EDA: variants seen among roughly 807,000 people sequenced by gnomAD.
EDA encodes ectodysplasin A, also known as ectodysplasin-A.
Under a neutral mutation model 23.6 loss-of-function variants are expected in EDA, and 2 were observed. The ratio of observed to expected loss-of-function variants is 0.08; its 90% CI spans 0.03 to 0.27. The LOEUF is 0.27. Among genes scored for constraint, EDA ranks in the 10% least tolerant of loss-of-function variants. The probability of loss-of-function intolerance (pLI) is 1.00; values close to 1 mark genes in which losing one functional copy is unlikely to be tolerated. For synonymous variants in EDA, 131 were observed against 132.0 expected (o/e 0.99, Z 0.05); for missense variants, 229 against 324.2 (o/e 0.71, Z 2.26).
chrX:69,637,856 T>G (rs768207421), intron 1 of EDA, among the ~76,000 whole-genome samples: 17 of 110,835 alleles, frequency 1.5e-4, no homozygotes, highest in African/African-American at 5.6e-4. Context: ...TGTGCTGTAC[T>G]AAAGAGACAA....
chrX:69,937,676 C>T (rs2018694740), intron 1 of EDA: 2 of 1,113,102 alleles, frequency 1.8e-6, no homozygotes, highest in Non-Finnish European at 2.5e-6. Context: ...TTGTTAGTAG[C>T]TCTATAGAGT....
chrX:69,959,918 G>A (rs1374329341), intron 2 of EDA, among the ~76,000 whole-genome samples: 1 of 111,886 alleles, frequency 8.9e-6, no homozygotes, highest in Non-Finnish European at 1.9e-5. Context: ...TGTTTGGTAT[G>A]TTCCAGAAAG....
Position 70,010,886 on chromosome X carries a change from G to A in EDA, c.503-12332G>A, listed in dbSNP as rs778080567. 4.0e-3 allele frequency among the ~76,000 whole-genome samples: 441 copies of A among 111,400 alleles called. 2 individuals carry two copies. The highest frequency in any genetic ancestry group is 0.014 in the African/African-American group (425 of 30,667). ...TTATTCACTACCACGAGAACAGTGT[G>A]GAGGAAACTGCCTCCATGACTCAGT... is the stretch of plus-strand genomic sequence containing the variant. On this transcript the variant is annotated intron_variant, in intron 2 of 7. Coordinates refer to ENST00000374552, the MANE Select transcript of EDA (RefSeq NM_001399.5).
chrX:69,892,261 C>T (rs1464015489), intron 1 of EDA, among the ~76,000 whole-genome samples: 1 of 111,810 alleles, frequency 8.9e-6, no homozygotes, highest in African/African-American at 3.2e-5. Context: ...AATGTCTTTG[C>T]TCTATGTAAA....
chrX:70,036,522 T>C lies in EDA; in HGVS notation c.*913T>C, dbSNP rs1173685490. 1 of 112,724 alleles carries C rather than the reference T, an allele frequency of 8.9e-6. No homozygotes were observed. Among genetic ancestry groups the C allele is most frequent in the African/African-American group, 3.2e-5 (1 of 30,918 alleles). 9.3% of individuals were successfully genotyped at this position (112,724 alleles called of 1,213,427 possible). On this transcript the variant is annotated 3_prime_UTR_variant, in exon 8 of 8. Coordinates refer to ENST00000374552, the MANE Select transcript of EDA (RefSeq NM_001399.5). The stretch of plus-strand genomic sequence containing the variant: ...ATGTGAGTCTGGGATATTCTTTAGC[T>C]TACCTGGGCACAAACAGAATTTTCC...
chrX:69,732,799 G>A (rs759933736), intron 1 of EDA, among the ~76,000 whole-genome samples: 1 of 112,115 alleles, frequency 8.9e-6, no homozygotes, highest in East Asian at 2.8e-4. Flanking sequence ...ATTCTAACTA[G>A]TGTGAGATGG....
At chrX:69,617,721 G>C in intron 1 of EDA, 2 of 352,624 alleles carry the variant, frequency 5.7e-6, no homozygotes, top group Non-Finnish European at 1.1e-5. Flanking sequence ...TAATAAAATT[G>C]TACCTCTTAG....
chrX:69,875,983 A>G (rs1186259029), intron 1 of EDA, among the ~76,000 whole-genome samples: 1 of 112,100 alleles, frequency 8.9e-6, no homozygotes, highest in Non-Finnish European at 1.9e-5. Context: ...AAATCAAAAA[A>G]TAAGAGATAT....
intron 1 of EDA, among the ~76,000 whole-genome samples, chrX:69,669,847 C>G (rs1246647698): frequency 9.0e-6 from 1 of 110,821 alleles, no homozygotes; most frequent in Admixed American, 9.7e-5. Context: ...CTAATTGTTC[C>G]CAGTTTCTAT....
intron 1 of EDA, among the ~76,000 whole-genome samples, chrX:69,754,668 G>T (rs1036397943): frequency 2.7e-5 from 3 of 111,674 alleles, no homozygotes; most frequent in African/African-American, 9.8e-5. Flanking sequence ...TTCCAAGTTG[G>T]TTCCATTCTC....
chrX:69,786,073 A>G (rs1376354506), intron 1 of EDA, among the ~76,000 whole-genome samples: 10 of 108,132 alleles, frequency 9.2e-5, no homozygotes, highest in Non-Finnish European at 1.9e-4. Flanking sequence ...TTTCTAGTTT[A>G]TTTGCGTAGA....
At chrX:69,809,609 C>T (rs1281793115) in intron 1 of EDA, among the ~76,000 whole-genome samples, 1 of 111,252 alleles carries the variant, frequency 9.0e-6, no homozygotes, top group Non-Finnish European at 1.9e-5. Context: ...ACCTGTTTGT[C>T]CTCTATTTTA....
intron 1 of EDA, among the ~76,000 whole-genome samples, chrX:69,889,505 T>G (rs1295306893): frequency 9.0e-6 from 1 of 111,389 alleles, no homozygotes; most frequent in Admixed American, 9.5e-5. Flanking sequence ...GGTGTCTCAT[T>G]GTAGATTTGA....
At chrX:69,624,845 T>C (rs1015152912) in intron 1 of EDA, among the ~76,000 whole-genome samples, 2 of 108,295 alleles carry the variant, frequency 1.8e-5, no homozygotes, top group Admixed American at 2.0e-4. Flanking sequence ...TATCAGCCAA[T>C]GACCTTAGGA....
intron 1 of EDA, among the ~76,000 whole-genome samples, chrX:69,781,604 T>C (rs1369704551): frequency 8.9e-6 from 1 of 111,782 alleles, no homozygotes; most frequent in African/African-American, 3.2e-5. Context: ...AAGTTGAAGT[T>C]AGTCATGTTA....
intron 1 of EDA, among the ~76,000 whole-genome samples, chrX:69,652,231 A>G (rs1374771556): frequency 9.0e-6 from 1 of 111,006 alleles, no homozygotes; most frequent in Non-Finnish European, 1.9e-5. Context: ...AGGGTCAAGG[A>G]CTTGCCAGGC....
chrX:69,706,054 T>G (rs752924427), intron 1 of EDA, among the ~76,000 whole-genome samples: 1 of 112,366 alleles, frequency 8.9e-6, no homozygotes, highest in Admixed American at 9.4e-5. Flanking sequence ...CCTGCCTTTC[T>G]TCCGGTGCAG....
At chrX:70,012,296 T>C (rs2019887560) in intron 2 of EDA, among the ~76,000 whole-genome samples, 1 of 112,216 alleles carries the variant, frequency 8.9e-6, no homozygotes, top group Non-Finnish European at 1.9e-5. Flanking sequence ...AGAAAACAAA[T>C]AGATGTATCT....
intron 1 of EDA, among the ~76,000 whole-genome samples, chrX:69,788,836 A>G (rs1288815761): frequency 8.9e-6 from 1 of 112,981 alleles, no homozygotes; most frequent in African/African-American, 3.2e-5. Context: ...CCAGCTTCCC[A>G]GCTGCTTTGT....
Sources: gnomAD v4.1 joint callset for allele counts (sites outside exome capture counted in the v4.1 genomes callset) on GRCh38, gnomAD v4.1.1 for gene constraint, MANE v1.5 for transcripts, NCBI Gene and HGNC (gene_info 2026-07-23, HGNC 2026-07-21) for gene names.